Variants in ADAMTSL1 observed in about 807,000 individuals in gnomAD.
ADAMTSL1 encodes the protein ADAMTS-like protein 1.
A neutral mutation model predicts 201.8 loss-of-function variants in ADAMTSL1; 126 were observed. The observed-to-expected ratio is 0.62, with a 90% CI of 0.54 to 0.72. The LOEUF is 0.72. Among genes scored for constraint, ADAMTSL1 ranks in the 30% least tolerant of loss-of-function variants. The pLI, the probability that ADAMTSL1 is intolerant of heterozygous loss-of-function variation, is 0.00. For synonymous variants in ADAMTSL1, 1,121 were observed against 903.4 expected (o/e 1.24, Z -4.32); for missense variants, 2,679 against 2,277.8 (o/e 1.18, Z -3.59).
chr9:18,637,482 T>A (rs1827176087), intron 6 of ADAMTSL1, among the ~76,000 whole-genome samples: 1 of 152,158 alleles, frequency 6.6e-6, no homozygotes, highest in Non-Finnish European at 1.5e-5. Context: ...GGGAAATTTA[T>A]TTTTATAAAT....
chr9:18,071,979 A>G (rs533498723), intron 1 of ADAMTSL1, among the ~76,000 whole-genome samples: 2 of 152,280 alleles, frequency 1.3e-5, no homozygotes, highest in South Asian at 4.1e-4. Context: ...AACAAGCTTA[A>G]TGGTTCCAAG....
intron 2 of ADAMTSL1, among the ~76,000 whole-genome samples, chr9:18,439,225 C>T (rs143048831): frequency 6.6e-6 from 1 of 152,284 alleles, no homozygotes; most frequent in Admixed American, 6.5e-5. Flanking sequence ...CCTATGTCTT[C>T]ATTTTCCTTT....
chr9:18,489,286 C>T (rs1455047829), intron 1 of ADAMTSL1, among the ~76,000 whole-genome samples: 3 of 152,086 alleles, frequency 2.0e-5, no homozygotes, highest in Non-Finnish European at 2.9e-5. Flanking sequence ...CTTAGGAGCC[C>T]CTTGTCCCTA....
intron 15 of ADAMTSL1, among the ~76,000 whole-genome samples, chr9:18,731,051 A>T (rs922702485): frequency 6.6e-6 from 1 of 152,222 alleles, no homozygotes; most frequent in African/African-American, 2.4e-5. Flanking sequence ...TGGTCATCTC[A>T]GCATGGTTTT....
intron 19 of ADAMTSL1, among the ~76,000 whole-genome samples, chr9:18,780,373 C>A (rs1400757418): frequency 6.6e-6 from 1 of 152,154 alleles, no homozygotes; most frequent in East Asian, 1.9e-4. Context: ...GAACCTTGAC[C>A]ACAGTAACTT....
At chr9:18,077,897 C>T (rs1315471910) in intron 1 of ADAMTSL1, among the ~76,000 whole-genome samples, 1 of 152,124 alleles carries the variant, frequency 6.6e-6, no homozygotes, top group Admixed American at 6.6e-5. Flanking sequence ...GAAGAAGATG[C>T]AGCCCATTTA....
At position 18,753,339 on chromosome 9, in the gene ADAMTSL1, G is replaced by A. The variant is rs1398723173; in HGVS notation, c.2048G>A (p.Gly683Glu). The change falls in exon 16 of 29, where the codon GGG (glycine) becomes GAG (glutamate). Residue 683 changes from glycine (G) to glutamate (E), a missense_variant. Gly to Glu is a moderately conservative substitution (Grantham distance 98, BLOSUM62 -2). Coordinates refer to ENST00000380548, the MANE Select transcript of ADAMTSL1 (RefSeq NM_001040272.6). ...GKWSPCSLTC[G>E]VGLQTRDVFC... is the part of the protein sequence containing the mutation. ...TGGAGTCCATGTAGTCTCACATGTG[G>A]GGTCGGCCTACAGACCAGAGACGTC... 5 of 1,612,324 alleles carry A rather than the reference G, an allele frequency of 3.1e-6. No individual in the cohort carries two copies. Among genetic ancestry groups the A allele is most frequent in the Non-Finnish European group, 4.2e-6 (5 of 1,179,386 alleles).
intron 2 of ADAMTSL1, among the ~76,000 whole-genome samples, chr9:18,310,475 T>C (rs1362985780): frequency 7.1e-6 from 1 of 141,016 alleles, no homozygotes; most frequent in Admixed American, 7.4e-5. Flanking sequence ...AAAGGACTAA[T>C]ATCCAGAATC....
Position 18,890,852 on chromosome 9 carries a change from TGAA to T in ADAMTSL1, c.4643+1110_4643+1112del, listed in dbSNP as rs375818000. On this transcript the variant is annotated intron_variant, in intron 25 of 28. Transcript: ENST00000380548. ...ACTGCCCTTGCCAAGCTGTGCAAAA[TGAA>T]GAAGAGATCTTTGATGTGCCAGGAA... is the stretch of plus-strand genomic sequence containing the variant. 489 of 303,184 alleles carry T rather than the reference TGAA, an allele frequency of 1.6e-3. 2 individuals carry two copies. The highest frequency in any genetic ancestry group is 3.3e-3 in the Admixed American group (73 of 22,132). 18.8% of individuals were successfully genotyped at this position (303,184 alleles called of 1,614,324 possible). A position where few individuals can be genotyped will look rare whatever the true frequency, so the allele number is the denominator to read the frequency against.
chr9:18,148,564 G>T (rs115141310), intron 1 of ADAMTSL1, among the ~76,000 whole-genome samples: 34 of 152,092 alleles, frequency 2.2e-4, no homozygotes, highest in African/African-American at 6.3e-4. Flanking sequence ...AAGTTCTACA[G>T]AAACTTACCT....
At chr9:18,209,167 G>A (rs542582031) in intron 2 of ADAMTSL1, among the ~76,000 whole-genome samples, 2 of 152,010 alleles carry the variant, frequency 1.3e-5, no homozygotes, top group South Asian at 2.1e-4. Context: ...GTGTTTTTTT[G>A]TCTTTCTGAA....
intron 5 of ADAMTSL1, among the ~76,000 whole-genome samples, chr9:18,625,154 C>T (rs545056406): frequency 6.6e-6 from 1 of 152,326 alleles, no homozygotes; most frequent in Non-Finnish European, 1.5e-5. Context: ...GGAGTCCTGC[C>T]AGATCTCTCC....
intron 2 of ADAMTSL1, among the ~76,000 whole-genome samples, chr9:18,240,272 T>C (rs549362652): frequency 6.6e-6 from 1 of 152,286 alleles, no homozygotes; most frequent in African/African-American, 2.4e-5. Context: ...TCTTATCTCC[T>C]TACATCTCTA....
chr9:17,944,543 C>A (rs1017800187), intron 1 of ADAMTSL1, among the ~76,000 whole-genome samples: 2 of 151,098 alleles, frequency 1.3e-5, no homozygotes, highest in East Asian at 2.0e-4. Flanking sequence ...CTGGAGGCAT[C>A]ACACTACCTG....
chr9:18,111,950 A>T (rs1027792883), intron 1 of ADAMTSL1, among the ~76,000 whole-genome samples: 1 of 152,192 alleles, frequency 6.6e-6, no homozygotes, highest in Non-Finnish European at 1.5e-5. Context: ...TAAGTTTTAT[A>T]TGTGATAATT....
chr9:18,539,331 C>G (rs1406759544), intron 3 of ADAMTSL1, among the ~76,000 whole-genome samples: 1 of 152,104 alleles, frequency 6.6e-6, no homozygotes, highest in African/African-American at 2.4e-5. Context: ...TACACAAACA[C>G]AAAACTAAAT....
chr9:18,688,381 G>C (rs1016639281), intron 13 of ADAMTSL1, among the ~76,000 whole-genome samples: 1 of 151,370 alleles, frequency 6.6e-6, no homozygotes, highest in Non-Finnish European at 1.5e-5. Flanking sequence ...ACCCACCTCA[G>C]CCTCCCAAAG....
chr9:18,566,153 G>T (rs962918104), intron 3 of ADAMTSL1, among the ~76,000 whole-genome samples: 7 of 151,694 alleles, frequency 4.6e-5, no homozygotes, highest in African/African-American at 1.2e-4. Flanking sequence ...AATTTTTTTT[G>T]AAAGAAAGAA....
chr9:18,260,851 G>T (rs936079960), intron 2 of ADAMTSL1, among the ~76,000 whole-genome samples: 1 of 151,954 alleles, frequency 6.6e-6, no homozygotes, highest in African/African-American at 2.4e-5. Context: ...CCTAGCTCCC[G>T]TCTCCTGAAG....
Sources: gnomAD v4.1 joint callset for allele counts (sites outside exome capture counted in the v4.1 genomes callset) on GRCh38, gnomAD v4.1.1 for gene constraint, MANE v1.5 for transcripts, NCBI Gene and HGNC (gene_info 2026-07-23, HGNC 2026-07-21) for gene names.